The following CCDC91 variants were observed in gnomAD, a reference collection of about 807,000 sequenced individuals.
CCDC91 encodes the protein coiled-coil domain-containing protein 91.
In CCDC91, 48 loss-of-function variants were observed where a neutral mutation model predicts 63.2. That is an observed-to-expected ratio of 0.76 (90% CI 0.60 to 0.97). CCDC91 has a LOEUF of 0.97. Ranked by LOEUF, CCDC91 falls within the 50% of genes least tolerant of loss-of-function variation. CCDC91 has a pLI of 0.00. For synonymous variants in CCDC91, 167 were observed against 165.8 expected, an observed-to-expected ratio of 1.01 and a Z score of -0.06; for missense variants, 500 against 494.6, an observed-to-expected ratio of 1.01 and a Z score of -0.10.
chr12:28,334,488 C>A (rs1416622859), intron 6 of CCDC91, among the ~76,000 whole-genome samples: 1 of 151,974 alleles, frequency 6.6e-6, no homozygotes, highest in Non-Finnish European at 1.5e-5. Context: ...CTATGGCATC[C>A]TTTGTCTTTG....
intron 12 of CCDC91, among the ~76,000 whole-genome samples, chr12:28,537,210 A>G (rs1942245017): frequency 6.6e-6 from 1 of 152,108 alleles, no homozygotes; most frequent in African/African-American, 2.4e-5. Flanking sequence ...GATGCTCTAC[A>G]TAGCAGAGAA....
chr12:28,417,622 T>TAG (rs1947752451), intron 8 of CCDC91, among the ~76,000 whole-genome samples: 1 of 107,934 alleles, frequency 9.3e-6, no homozygotes, highest in Admixed American at 9.8e-5. Flanking sequence ...ACCTTTGAGA[T>TAG]ATATATATAT....
At chr12:28,398,024 G>A (rs921660289) in intron 8 of CCDC91, among the ~76,000 whole-genome samples, 2 of 151,978 alleles carry the variant, frequency 1.3e-5, no homozygotes, top group African/African-American at 4.8e-5. Flanking sequence ...TATTTATTCT[G>A]TATTCCCCAA....
chr12:28,293,178 A>C (rs1949351176), intron 3 of CCDC91, among the ~76,000 whole-genome samples: 1 of 152,230 alleles, frequency 6.6e-6, no homozygotes, highest in Non-Finnish European at 1.5e-5. Flanking sequence ...AGAACAGAAG[A>C]AGCTCATTCA....
At chr12:28,477,132 T>G (rs1279122188) in intron 11 of CCDC91, among the ~76,000 whole-genome samples, 1 of 152,128 alleles carries the variant, frequency 6.6e-6, no homozygotes, top group African/African-American at 2.4e-5. Context: ...GAGGCCAGCA[T>G]CATCCTCATT....
intron 8 of CCDC91, among the ~76,000 whole-genome samples, chr12:28,419,754 A>AT (rs34455320): frequency 0.025 from 3,676 of 146,236 alleles, 123 homozygotes; most frequent in African/African-American, 0.085. Flanking sequence ...TTAAATTATC[A>AT]TTTTTTTTTT....
At chr12:28,535,922 G>A (rs914400522) in intron 12 of CCDC91, among the ~76,000 whole-genome samples, 5 of 151,780 alleles carry the variant, frequency 3.3e-5, no homozygotes, top group African/African-American at 9.7e-5. Flanking sequence ...CCAGCTACTC[G>A]GGAGACTGAG....
At chr12:28,304,564 C>G in intron 3 of CCDC91, 1 of 563,298 alleles carries the variant, frequency 1.8e-6, no homozygotes. Context: ...GAATATCAAT[C>G]ACAAATTGAT....
At chr12:28,480,742 A>T (rs1307942508) in intron 11 of CCDC91, among the ~76,000 whole-genome samples, 2 of 152,062 alleles carry the variant, frequency 1.3e-5, no homozygotes, top group Non-Finnish European at 2.9e-5. Context: ...AGAAAATTAA[A>T]CAACCACATA....
At chr12:28,484,307 A>G (rs1351887205) in intron 12 of CCDC91, 142 bp downstream of exon 12, 7 of 455,348 alleles carry the variant, frequency 1.5e-5, no homozygotes, top group Non-Finnish European at 2.7e-5. Context: ...ATTTTCTGAT[A>G]TAATTATGTA....
At position 28,244,229 on chromosome 12, in the gene CCDC91, G is replaced by A. The variant is rs572664223; in HGVS notation, c.-14-12973G>A. On this transcript the variant is annotated intron_variant, in intron 1 of 12. Coordinates refer to ENST00000536442, the MANE Select transcript of CCDC91 (RefSeq NM_018318.5). ...ATCAGCATAAATTCATGATAAGAAT[G>A]CTTAGCAAATTAAGAAAAGAGGGAA... Among the ~76,000 whole-genome samples the A allele has an allele frequency of 8.5e-5, 13 of 152,228 alleles. 1 individual carries two copies. Among genetic ancestry groups the A allele is most frequent in the Admixed American group, 7.2e-4 (11 of 15,282 alleles).
intron 8 of CCDC91, among the ~76,000 whole-genome samples, chr12:28,440,238 G>A (rs189152592): frequency 6.6e-6 from 1 of 152,110 alleles, no homozygotes; most frequent in South Asian, 2.1e-4. Context: ...TTTATAAGTA[G>A]GAATAATAGT....
At chr12:28,213,340 C>A (rs1166337589) in intron 1 of CCDC91, among the ~76,000 whole-genome samples, 11 of 152,112 alleles carry the variant, frequency 7.2e-5, no homozygotes, top group Admixed American at 7.2e-4. Flanking sequence ...AAAGTGTGAC[C>A]CATGAAGACA....
At chr12:28,344,800 C>G (rs139240189) in intron 6 of CCDC91, among the ~76,000 whole-genome samples, 1 of 152,096 alleles carries the variant, frequency 6.6e-6, no homozygotes, top group African/African-American at 2.4e-5. Flanking sequence ...ACTATTTTCT[C>G]CCTCAGTAAA....
Position 28,483,562 on chromosome 12 carries a change from G to C in CCDC91, c.1102-490G>C, listed in dbSNP as rs376993862. 2.2e-4 allele frequency among the ~76,000 whole-genome samples: 34 copies of C among 152,118 alleles called. 1 individual carries two copies. The East Asian group carries it at 2.9e-3, about 13-fold the overall frequency. On this transcript the variant is annotated intron_variant, in intron 11 of 12. Coordinates refer to ENST00000536442, the MANE Select transcript of CCDC91 (RefSeq NM_018318.5). ...GGTGGAATTTTTACCTCTTACTTAT[G>C]GTGTCCAGCTCACAACATCTTAATC...
At chr12:28,252,367 C>T (rs1946172877) in intron 1 of CCDC91, among the ~76,000 whole-genome samples, 1 of 151,706 alleles carries the variant, frequency 6.6e-6, no homozygotes, top group Non-Finnish European at 1.5e-5. Flanking sequence ...TTTGTTTTCT[C>T]TTTTCTGTCT....
chr12:28,372,637 C>A (rs1355056494), intron 7 of CCDC91, among the ~76,000 whole-genome samples: 1 of 151,410 alleles, frequency 6.6e-6, no homozygotes, highest in Middle Eastern at 3.2e-3. Context: ...TTCATTCTCA[C>A]CTTTGTTGTT....
At chr12:28,320,575 A>G (rs1215211822) in intron 6 of CCDC91, among the ~76,000 whole-genome samples, 9 of 151,942 alleles carry the variant, frequency 5.9e-5, no homozygotes. Flanking sequence ...CAGCCATTCT[A>G]GAACAAAGCC....
intron 1 of CCDC91, among the ~76,000 whole-genome samples, chr12:28,234,211 A>G (rs1009922285): frequency 1.3e-5 from 2 of 152,168 alleles, no homozygotes; most frequent in African/African-American, 2.4e-5. Context: ...ACATATTTGT[A>G]GTGTAGCCTT....
Sources: gnomAD v4.1 joint callset for allele counts (sites outside exome capture counted in the v4.1 genomes callset) on GRCh38, gnomAD v4.1.1 for gene constraint, MANE v1.5 for transcripts, NCBI Gene and HGNC (gene_info 2026-07-23, HGNC 2026-07-21) for gene names.